Variants in EVA1C observed in about 807,000 individuals in gnomAD.
EVA1C encodes protein eva-1 homolog C.
EVA1C carries 25 observed loss-of-function variants against 45.4 expected under a neutral mutation model. The observed-to-expected ratio is 0.55, with a 90% CI of 0.40 to 0.77. EVA1C has a LOEUF of 0.77. Among genes scored for constraint, EVA1C ranks in the 30% least tolerant of loss-of-function variants. The probability of loss-of-function intolerance (pLI) is 0.00; values close to 1 mark genes in which losing one functional copy is unlikely to be tolerated. For missense variants in EVA1C, 479 were observed against 554.8 expected (o/e 0.86, Z 1.37); for synonymous variants, 190 against 221.2 (o/e 0.86, Z 1.25).
intron 5 of EVA1C, among the ~76,000 whole-genome samples, chr21:32,495,782 G>T (rs2037333776): frequency 6.6e-6 from 1 of 152,202 alleles, no homozygotes; most frequent in African/African-American, 2.4e-5. Context: ...AAGCAAATCA[G>T]CAGTTTATTA....
At chr21:32,415,095 T>C (rs1005999322) in intron 1 of EVA1C, among the ~76,000 whole-genome samples, 1 of 152,182 alleles carries the variant, frequency 6.6e-6, no homozygotes, top group Non-Finnish European at 1.5e-5. Flanking sequence ...TTCGGTTCAG[T>C]GTTTCAGCTG....
In EVA1C at chr21:32,420,664, G is replaced by A. The variant is rs150275483; in HGVS notation, c.160+7651G>A. Among the ~76,000 whole-genome samples the A allele has an allele frequency of 5.1e-3, 772 of 152,310 alleles. 2 individuals are homozygous for A. The highest frequency in any genetic ancestry group is 8.7e-3 in the Non-Finnish European group (590 of 68,032). ...CCGCCCTGGCCTCCCAAAGTGCTGG[G>A]ATTACAGGAGTGAGCCACTGTGCCT... On this transcript the variant is annotated intron_variant, in intron 1 of 7. Coordinates refer to ENST00000300255, the MANE Select transcript of EVA1C (RefSeq NM_058187.5).
intron 7 of EVA1C, among the ~76,000 whole-genome samples, chr21:32,507,769 CATGT>C (rs2037798954): frequency 1.3e-5 from 2 of 149,490 alleles, no homozygotes; most frequent in African/African-American, 5.0e-5. Context: ...CGTGTGTGTG[CATGT>C]ATGTGTATCT....
At chr21:32,497,208 G>A in intron 5 of EVA1C, 2 of 814,546 alleles carry the variant, frequency 2.5e-6, no homozygotes, top group South Asian at 1.3e-5. Flanking sequence ...TGGGTTAAGG[G>A]AAAAACCGTC....
intron 5 of EVA1C, among the ~76,000 whole-genome samples, chr21:32,500,902 C>T (rs896127070): frequency 6.6e-6 from 1 of 152,092 alleles, no homozygotes; most frequent in Non-Finnish European, 1.5e-5. Context: ...ACCTCTGCCT[C>T]CCGTGTTCAA....
intron 7 of EVA1C, among the ~76,000 whole-genome samples, chr21:32,511,318 G>A (rs2037939814): frequency 6.7e-6 from 1 of 149,062 alleles, no homozygotes; most frequent in African/African-American, 2.5e-5. Context: ...GGAGGCTGAG[G>A]CAGGAGAATC....
At position 32,439,083 on chromosome 21, in the gene EVA1C, A is replaced by G. The variant is rs2035075478; in HGVS notation, c.161-14229A>G. Among the ~76,000 whole-genome samples the G allele has an allele frequency of 3.3e-5, 5 of 151,422 alleles. No individual in the cohort carries two copies. The South Asian group carries it at 1.0e-3, about 32-fold the overall frequency. On this transcript the variant is annotated intron_variant, in intron 1 of 7. Coordinates refer to ENST00000300255, the MANE Select transcript of EVA1C (RefSeq NM_058187.5). ...AAACTCCGTCTCTACCTAAAATACA[A>G]AAAAAAATTAGCCAGGCGTGGTGGC...
intron 7 of EVA1C, among the ~76,000 whole-genome samples, chr21:32,506,265 GT>G (rs774095637): frequency 2.7e-5 from 4 of 146,530 alleles, no homozygotes; most frequent in Non-Finnish European, 4.5e-5. Flanking sequence ...TGCGGTGCTG[GT>G]ACAGAACAGG....
intron 4 of EVA1C, among the ~76,000 whole-genome samples, chr21:32,468,630 T>C (rs1301860051): frequency 6.6e-6 from 1 of 151,996 alleles, no homozygotes; most frequent in Non-Finnish European, 1.5e-5. Flanking sequence ...GAGTCTGATG[T>C]TCAGGGGCAG....
In EVA1C at chr21:32,506,411, G is replaced by A. The variant is rs957192796; in HGVS notation, c.949+2396G>A. On this transcript the variant is annotated intron_variant, in intron 7 of 7. Transcript: ENST00000300255. ...TTTTTTTAAAATGTAAGGACTTGAT[G>A]AGCTGTTATTTGATTTTATTGAGGG... Among the ~76,000 whole-genome samples, 10 of 151,440 alleles carry A rather than the reference G, an allele frequency of 6.6e-5. No homozygotes were observed. The South Asian group carries it at 8.4e-4, about 13-fold the overall frequency.
At chr21:32,502,084 CTCTT>C (rs1251245267) in intron 6 of EVA1C, among the ~76,000 whole-genome samples, 1 of 139,700 alleles carries the variant, frequency 7.2e-6, no homozygotes, top group African/African-American at 2.7e-5. Flanking sequence ...CTTTCTTTCT[CTCTT>C]TCTTTCTTTC....
At chr21:32,499,063 G>A (rs1460718237) in intron 5 of EVA1C, among the ~76,000 whole-genome samples, 1 of 152,148 alleles carries the variant, frequency 6.6e-6, no homozygotes, top group Non-Finnish European at 1.5e-5. Context: ...CCTTTTCACT[G>A]CCTGGTTATT....
intron 7 of EVA1C, among the ~76,000 whole-genome samples, chr21:32,506,223 T>G: frequency 6.7e-6 from 1 of 148,440 alleles, no homozygotes; most frequent in African/African-American, 2.5e-5. Flanking sequence ...TGCCTTGTCA[T>G]CTTATTTTGT....
At chr21:32,412,695 C>A, upstream of EVA1C, 1 of 659,488 alleles carries the variant, frequency 1.5e-6, no homozygotes, top group Non-Finnish European at 2.2e-6. Context: ...CCTGGGCTGG[C>A]CCGCGCAGGG....
chr21:32,481,317 T>C (rs2036776538), intron 4 of EVA1C, among the ~76,000 whole-genome samples: 1 of 152,060 alleles, frequency 6.6e-6, no homozygotes, highest in South Asian at 2.1e-4. Flanking sequence ...TTTTTCTACT[T>C]AGGGAGAGGA....
At chr21:32,441,432 C>T (rs1355367414) in intron 1 of EVA1C, among the ~76,000 whole-genome samples, 1 of 151,974 alleles carries the variant, frequency 6.6e-6, no homozygotes, top group African/African-American at 2.4e-5. Flanking sequence ...GTCCTGAGGT[C>T]AGAGTATGCT....
At chr21:32,419,591 T>C (rs2034183525) in intron 1 of EVA1C, among the ~76,000 whole-genome samples, 1 of 152,200 alleles carries the variant, frequency 6.6e-6, no homozygotes, top group Non-Finnish European at 1.5e-5. Flanking sequence ...GGCATGCTCC[T>C]GTAATCCCAG....
chr21:32,510,538 T>C lies in EVA1C; in HGVS notation c.950-4276T>C, dbSNP rs113059838. Reference sequence around the variant, plus strand: ...TTGCACTACAATAGCAGAGCTGTTATATTTGCAACAGAGACCATATGGCCC... The same window carrying C: ...TTGCACTACAATAGCAGAGCTGTTACATTTGCAACAGAGACCATATGGCCC... On this transcript the variant is annotated intron_variant, in intron 7 of 7. Transcript: ENST00000300255. Among the ~76,000 whole-genome samples the C allele has an allele frequency of 2.8e-3, 424 of 152,320 alleles. 4 individuals carry two copies. The highest frequency in any genetic ancestry group is 9.6e-3 in the African/African-American group (401 of 41,562).
At chr21:32,432,992 A>G (rs2034772913) in intron 1 of EVA1C, among the ~76,000 whole-genome samples, 1 of 152,230 alleles carries the variant, frequency 6.6e-6, no homozygotes, top group Non-Finnish European at 1.5e-5. Flanking sequence ...TCGGCATCCC[A>G]AAGTGTTGAG....
Sources: gnomAD v4.1 joint callset for allele counts (sites outside exome capture counted in the v4.1 genomes callset) on GRCh38, gnomAD v4.1.1 for gene constraint, MANE v1.5 for transcripts, NCBI Gene and HGNC (gene_info 2026-07-23, HGNC 2026-07-21) for gene names.